Variants in TTYH3 observed in about 807,000 individuals in gnomAD.
TTYH3 encodes the protein protein tweety homolog 3.
A neutral mutation model predicts 68.2 loss-of-function variants in TTYH3; 23 were observed. That is an observed-to-expected ratio of 0.34 (90% CI 0.24 to 0.48). The LOEUF (loss-of-function observed/expected upper bound fraction) is 0.48, where lower values mean the gene tolerates loss of function less well. Ranked by LOEUF, TTYH3 falls within the 20% of genes least tolerant of loss-of-function variation. TTYH3 has a pLI of 0.99. For missense variants in TTYH3, 768 were observed against 727.7 expected, an observed-to-expected ratio of 1.06 and a Z score of -0.64; for synonymous variants, 360 against 332.8, an observed-to-expected ratio of 1.08 and a Z score of -0.89.
At chr7:2,643,793 C>T (rs927131388) in intron 1 of TTYH3, among the ~76,000 whole-genome samples, 3 of 144,864 alleles carry the variant, frequency 2.1e-5, no homozygotes, top group Middle Eastern at 3.4e-3. Context: ...CATGCCAGGC[C>T]GGTGGCTGCG....
intron 1 of TTYH3, among the ~76,000 whole-genome samples, chr7:2,639,406 G>A (rs1785768523): frequency 6.6e-6 from 1 of 152,224 alleles, no homozygotes; most frequent in African/African-American, 2.4e-5. Flanking sequence ...TACCCACGAT[G>A]CTCCCCACAA....
intron 10 of TTYH3, 57 bp from the exon 11 acceptor site, chr7:2,656,341 G>A (rs1188083269): frequency 1.3e-6 from 2 of 1,587,436 alleles, no homozygotes; most frequent in Non-Finnish European, 1.7e-6. Context: ...AAGGTCTCAC[G>A]CTGCCCCCTC....
intron 1 of TTYH3, among the ~76,000 whole-genome samples, chr7:2,637,475 G>T (rs1401673595): frequency 6.6e-6 from 1 of 152,162 alleles, no homozygotes; most frequent in Admixed American, 6.5e-5. Context: ...CTGGGCACGG[G>T]TTCCAGCTGC....
intron 8 of TTYH3, among the ~76,000 whole-genome samples, 177 bp downstream of exon 8, chr7:2,652,419 C>T (rs1048233995): frequency 5.9e-5 from 9 of 152,204 alleles, no homozygotes; most frequent in African/African-American, 9.7e-5. Flanking sequence ...GTTACCATGC[C>T]GGTGACCTGG....
intron 1 of TTYH3, among the ~76,000 whole-genome samples, chr7:2,633,596 G>A (rs1293815739): frequency 2.0e-5 from 3 of 152,254 alleles, no homozygotes; most frequent in African/African-American, 7.2e-5. Flanking sequence ...GGACCGTTCA[G>A]TGTGGGGGCA....
At chr7:2,647,044 C>T (rs371244017) in intron 2 of TTYH3, 22 bp downstream of exon 2, 349 of 576,804 alleles carry the variant, frequency 6.1e-4, no homozygotes, top group Non-Finnish European at 8.5e-4. Context: ...GGGGCGGGGA[C>T]GGAGGGCGGG....
Position 2,645,980 on chromosome 7 carries a change from C to A in TTYH3, c.124-873C>A. ...AGGACAGTAGCTGATGCCGGCAGCC[C>A]CCTCCCCAGGGCTTCGCTTCTTCGG... On this transcript the variant is annotated intron_variant, in intron 1 of 13. Transcript: ENST00000258796. This position sits in a 1 kb window ranked among gnomAD's most constrained non-coding sequence, Gnocchi z 4.8. 2.8e-6 allele frequency: 1 copy of A among 363,090 alleles called. No homozygotes were observed. Among genetic ancestry groups the A allele is most frequent in the African/African-American group, 2.2e-5 (1 of 46,482 alleles). 22.5% of individuals were successfully genotyped at this position (363,090 alleles called of 1,614,324 possible).
chr7:2,663,930 G>C lies in TTYH3; in HGVS notation c.*2191G>C, dbSNP rs1786557847. ...TAGGTGGAGGGGAGCGCCTGCCATT[G>C]GTTGTATTTTTGTTCTGAGTTTTCG... On this transcript the variant is annotated 3_prime_UTR_variant, in exon 14 of 14. Transcript: ENST00000258796. The C allele has an allele frequency of 6.6e-6, 1 of 152,426 alleles. No homozygotes were observed. Among genetic ancestry groups the C allele is most frequent in the Admixed American group, 6.5e-5 (1 of 15,288 alleles). 9.4% of individuals were successfully genotyped at this position (152,426 alleles called of 1,614,324 possible).
At chr7:2,641,494 T>C (rs1348524614) in intron 1 of TTYH3, among the ~76,000 whole-genome samples, 1 of 152,138 alleles carries the variant, frequency 6.6e-6, no homozygotes, top group Non-Finnish European at 1.5e-5. Context: ...CCTTGGCACA[T>C]GTGTGGCAGT....
intron 7 of TTYH3, among the ~76,000 whole-genome samples, chr7:2,651,094 C>A (rs1481000901): frequency 1.1e-4 from 17 of 151,960 alleles, no homozygotes; most frequent in Admixed American, 1.1e-3. Flanking sequence ...GTGTGTCGGA[C>A]GGCACAGAGG....
At chr7:2,656,301 G>C (rs530255343) in intron 10 of TTYH3, 97 bp from the exon 11 acceptor site, 4 of 1,565,448 alleles carry the variant, frequency 2.6e-6, no homozygotes, top group Admixed American at 1.7e-5. Context: ...CTGCCTCTGG[G>C]GGGCGGTCCA....
In TTYH3 at chr7:2,656,110, CA is replaced by C; in HGVS notation, c.1040del (p.Gln347ArgfsTer4). ...PATKDPLLRV[Q>X]EVLNGTEVNL... The stretch of plus-strand genomic sequence containing the variant: ...CCCCCAGGACCCCCTCCTCCGCGTC[CA>C]GGAGGTGCTGAATGGCACGGAGGTG... On this transcript the variant is annotated frameshift_variant, in exon 10 of 14. Coordinates refer to ENST00000258796, the MANE Select transcript of TTYH3 (RefSeq NM_025250.3). LOFTEE classifies it high-confidence loss of function. 6.4e-7 allele frequency: 1 copy of C among 1,559,434 alleles called. No homozygotes were observed. Among genetic ancestry groups the C allele is most frequent in the South Asian group, 1.2e-5 (1 of 84,614 alleles).
At chr7:2,646,559 C>G (rs570180274) in intron 1 of TTYH3, among the ~76,000 whole-genome samples, 2 of 152,332 alleles carry the variant, frequency 1.3e-5, no homozygotes, top group East Asian at 3.9e-4. Context: ...GCCACAGAAG[C>G]CTGGAGTCGG....
At chr7:2,652,720 C>G in intron 8 of TTYH3, 198 bp from the exon 9 acceptor site, 1 of 586,690 alleles carries the variant, frequency 1.7e-6, no homozygotes, top group Admixed American at 3.0e-5. Context: ...TTGGCTGTTA[C>G]CACCTCAGGG....
intron 7 of TTYH3, among the ~76,000 whole-genome samples, chr7:2,650,823 A>G (rs1786154552): frequency 6.6e-6 from 1 of 151,908 alleles, no homozygotes; most frequent in Admixed American, 6.6e-5. Flanking sequence ...TGAGGAGGAT[A>G]CCTCAAGCAG....
At chr7:2,640,456 G>A (rs919453593) in intron 1 of TTYH3, among the ~76,000 whole-genome samples, 2 of 152,104 alleles carry the variant, frequency 1.3e-5, no homozygotes, top group Admixed American at 6.5e-5. Context: ...GCACCCTCCC[G>A]AGTGGCATGC....
chr7:2,656,358 C>T (rs1786334384), intron 10 of TTYH3, 40 bp from the exon 11 acceptor site: 2 of 1,595,454 alleles, frequency 1.3e-6, no homozygotes, highest in African/African-American at 1.3e-5. Flanking sequence ...CCTCCACCCT[C>T]CCTGTCTCTG....
At chr7:2,642,537 CAAAAAAA>C (rs34165282) in intron 1 of TTYH3, among the ~76,000 whole-genome samples, 2 of 57,542 alleles carry the variant, frequency 3.5e-5, no homozygotes, top group South Asian at 7.5e-4. Context: ...GACTCTGTCT[CAAAAAAA>C]AAAAAAAAAA....
rs934240432 is a variant in TTYH3, at chr7:2,649,501, C to T, written c.723-66C>T. 6.1e-6 allele frequency: 9 copies of T among 1,486,994 alleles called. No homozygotes were observed. The Middle Eastern group carries it at 6.2e-4, about 102-fold the overall frequency. The allele number at this position is 1,486,994 out of a possible 1,614,324, so 92.1% of individuals were successfully genotyped here. ...GCACTGGGACCTGCCTTCTGGCCTG[C>T]AGCCCAGCAGGTGGCACGGCCCCCA... On this transcript the variant is annotated intron_variant, in intron 5 of 13. Transcript: ENST00000258796.
Sources: gnomAD v4.1 joint callset for allele counts (sites outside exome capture counted in the v4.1 genomes callset) on GRCh38, gnomAD v4.1.1 for gene constraint, Gnocchi (gnomAD v3.1) non-coding constraint, MANE v1.5 for transcripts, NCBI Gene and HGNC (gene_info 2026-07-23, HGNC 2026-07-21) for gene names.